The following RHBDD1 variants were observed in gnomAD, a reference collection of about 807,000 sequenced individuals.
RHBDD1 encodes the protein rhomboid domain containing 1.
In RHBDD1, 38 loss-of-function variants were observed where a neutral mutation model predicts 36.3. That is an observed-to-expected ratio of 1.05 (90% CI 0.81 to 1.37). The LOEUF is 1.37. RHBDD1 is among the 40% of genes most tolerant of loss of function. RHBDD1 has a pLI of 0.00. For missense variants in RHBDD1, 393 were observed against 377.6 expected (o/e 1.04, Z -0.34); for synonymous variants, 151 against 136.5 (o/e 1.11, Z -0.74).
chr2:226,847,038 A>G lies in RHBDD1; in HGVS notation c.-91+7411A>G, dbSNP rs184982343. ...TGTGGATAGGTATAGCTCATAATGT[A>G]CTCTGTGAACTGGGGTAACTGATAG... On this transcript the variant is annotated intron_variant, in intron 3 of 8. Transcript: ENST00000392062. Among the ~76,000 whole-genome samples the G allele has an allele frequency of 1.7e-3, 256 of 152,324 alleles. 1 individual carries two copies. The highest frequency in any genetic ancestry group is 3.3e-3 in the Non-Finnish European group (224 of 68,030).
At chr2:226,827,326 TA>T in the RHBDD1 span, among the ~76,000 whole-genome samples, 1 of 152,206 alleles carries the variant, frequency 6.6e-6, no homozygotes, top group Non-Finnish European at 1.5e-5. Flanking sequence ...AATCTACAGA[TA>T]ACCTTTCCAT....
chr2:226,870,827 T>G (rs1944742265), intron 5 of RHBDD1, among the ~76,000 whole-genome samples: 2 of 152,122 alleles, frequency 1.3e-5, no homozygotes, highest in Admixed American at 1.3e-4. Context: ...TGGAAGTGGA[T>G]CATTATAAAG....
At chr2:226,988,392 C>T (rs1957464978) in intron 8 of RHBDD1, 5 of 1,550,366 alleles carry the variant, frequency 3.2e-6, no homozygotes, top group Admixed American at 3.9e-5. Flanking sequence ...AAGGTCAGAA[C>T]AGACAAAGGA....
In RHBDD1 at chr2:226,999,030, C is replaced by T. The variant is rs997610139; in HGVS notation, c.*3508C>T. The stretch of plus-strand genomic sequence containing the variant: ...TGTAACAGACACAACCACATCTACA[C>T]AGTTTCCACATACCACTTGGAATTG... On this transcript the variant is annotated 3_prime_UTR_variant, in exon 9 of 9. Coordinates refer to ENST00000392062, the MANE Select transcript of RHBDD1 (RefSeq NM_001167608.3). 1 of 152,282 alleles carries T rather than the reference C, an allele frequency of 6.6e-6. No individual in the cohort carries two copies. 9.4% of individuals were successfully genotyped at this position (152,282 alleles called of 1,614,324 possible).
In RHBDD1 at chr2:226,864,872, A is replaced by G. The variant is rs1944193432; in HGVS notation, c.179A>G (p.Tyr60Cys). The G allele has an allele frequency of 1.2e-6, 2 of 1,614,116 alleles. No individual in the cohort carries two copies. The highest frequency in any genetic ancestry group is 2.7e-5 in the African/African-American group (2 of 74,940). Residue 60 changes from tyrosine (Y) to cysteine (C), a missense_variant, in exon 4 of 9, where the codon TAC becomes TGC. Transcript: ENST00000392062. ...YSSCLSVEKCYQQKDWQRLLL... is the reference protein window; with the variant it reads ...YSSCLSVEKCCQQKDWQRLLL... ...TCCTGCCTTAGTGTGGAGAAGTGTT[A>G]CCAGCAAAAAGACTGGCAGCGTTTA...
chr2:226,865,433 T>C (rs1944243490), intron 4 of RHBDD1, among the ~76,000 whole-genome samples: 1 of 152,196 alleles, frequency 6.6e-6, no homozygotes, highest in African/African-American at 2.4e-5. Context: ...GTATTTGTAA[T>C]AGGGAGTTCT....
At chr2:226,816,378 AAAAAAAAAAAAAAAAAAAG>A in the RHBDD1 span, among the ~76,000 whole-genome samples, 2 of 144,218 alleles carry the variant, frequency 1.4e-5, no homozygotes, top group African/African-American at 2.7e-5. Context: ...ATGGTGGCAA[AAAAAAAAAAAAAAAAAAAG>A]AAAAAAAACA....
chr2:226,897,280 T>G (rs1272794888), intron 5 of RHBDD1, among the ~76,000 whole-genome samples: 3 of 150,996 alleles, frequency 2.0e-5, no homozygotes, highest in African/African-American at 7.4e-5. Context: ...TAGACTTGCT[T>G]TCTTACACTT....
chr2:226,900,113 T>C (rs1183525313), intron 5 of RHBDD1, among the ~76,000 whole-genome samples: 1 of 152,176 alleles, frequency 6.6e-6, no homozygotes, highest in Non-Finnish European at 1.5e-5. Flanking sequence ...CATCCTAAAA[T>C]TACAGGTAAC....
intron 5 of RHBDD1, among the ~76,000 whole-genome samples, chr2:226,905,794 A>G (rs1948005409): frequency 6.6e-6 from 1 of 152,120 alleles, no homozygotes; most frequent in South Asian, 2.1e-4. Context: ...TGGCAGTAGG[A>G]ATGGGAAGGC....
intron 8 of RHBDD1, 196 bp downstream of exon 8, chr2:226,914,547 C>T: frequency 2.0e-6 from 1 of 512,684 alleles, no homozygotes; most frequent in Non-Finnish European, 3.4e-6. Context: ...AATAAGGTGC[C>T]AGACTGTGTA....
At chr2:226,945,168 T>TTAC (rs1363796557) in intron 8 of RHBDD1, among the ~76,000 whole-genome samples, 1 of 149,666 alleles carries the variant, frequency 6.7e-6, no homozygotes, top group African/African-American at 2.4e-5. Context: ...ATTATTATTA[T>TTAC]TATTATTATA....
At chr2:226,829,294 TAAG>T in the RHBDD1 span, among the ~76,000 whole-genome samples, 6 of 152,234 alleles carry the variant, frequency 3.9e-5, no homozygotes, top group African/African-American at 1.4e-4. Flanking sequence ...ATTTTGAAAT[TAAG>T]TAGTATAATT....
chr2:226,930,137 T>C (rs1949933490), intron 8 of RHBDD1, among the ~76,000 whole-genome samples: 1 of 152,068 alleles, frequency 6.6e-6, no homozygotes, highest in Non-Finnish European at 1.5e-5. Context: ...AACACTGTTT[T>C]TCACAGAAAT....
chr2:226,983,755 T>G (rs757601544), intron 8 of RHBDD1, among the ~76,000 whole-genome samples: 3 of 152,206 alleles, frequency 2.0e-5, no homozygotes, highest in Non-Finnish European at 2.9e-5. Context: ...GGTCTTTGAT[T>G]TCAAAAGTCA....
chr2:226,812,010 T>A, the RHBDD1 span, among the ~76,000 whole-genome samples: 1 of 152,226 alleles, frequency 6.6e-6, no homozygotes, highest in Non-Finnish European at 1.5e-5. Flanking sequence ...AGCTCATCTG[T>A]CAATTCTGTC....
intron 5 of RHBDD1, among the ~76,000 whole-genome samples, chr2:226,902,117 T>A (rs1046219655): frequency 2.6e-5 from 4 of 152,186 alleles, no homozygotes; most frequent in Non-Finnish European, 5.9e-5. Context: ...AGGAAGTTGT[T>A]CCTAGTTGCA....
At chr2:226,859,047 G>C (rs1274176690) in intron 3 of RHBDD1, among the ~76,000 whole-genome samples, 5 of 152,204 alleles carry the variant, frequency 3.3e-5, no homozygotes, top group Admixed American at 6.5e-5. Context: ...TATGGGAAAA[G>C]TTGTTACAAT....
rs1277424025 is a variant in RHBDD1, at chr2:226,902,813, T to G, written c.567-3980T>G. Among the ~76,000 whole-genome samples, 24 of 152,292 alleles carry G rather than the reference T, an allele frequency of 1.6e-4. 1 individual carries two copies. On this transcript the variant is annotated intron_variant, in intron 5 of 8. Transcript: ENST00000392062. ...TGCCAGCCTCCCTTCCCTAGATATT[T>G]GAAATTATATTAGGGCAATTAGATT...
Sources: gnomAD v4.1 joint callset for allele counts (sites outside exome capture counted in the v4.1 genomes callset) on GRCh38, gnomAD v4.1.1 for gene constraint, MANE v1.5 for transcripts, NCBI Gene and HGNC (gene_info 2026-07-23, HGNC 2026-07-21) for gene names.